The following TBCE variants were observed in gnomAD, a reference collection of about 807,000 sequenced individuals.
The protein encoded by TBCE is tubulin-specific chaperone E.
A neutral mutation model predicts 77.0 loss-of-function variants in TBCE; 53 were observed. That is an observed-to-expected ratio of 0.69 (90% CI 0.55 to 0.87). TBCE has a LOEUF of 0.87. Ranked by LOEUF, TBCE falls within the 40% of genes least tolerant of loss-of-function variation. TBCE has a pLI of 0.00. For missense variants in TBCE, 624 were observed against 622.4 expected (o/e 1.00, Z -0.03); for synonymous variants, 235 against 241.3 (o/e 0.97, Z 0.24).
intron 1 of TBCE, among the ~76,000 whole-genome samples, chr1:235,377,459 G>A (rs1482147909): frequency 6.6e-6 from 1 of 152,082 alleles, no homozygotes; most frequent in Non-Finnish European, 1.5e-5. Context: ...GATTGCAGGC[G>A]TGAGCCACCG....
chr1:235,448,516 G>C, intron 16 of TBCE, 76 bp downstream of exon 16: 1 of 1,473,010 alleles, frequency 6.8e-7, no homozygotes, highest in Non-Finnish European at 9.5e-7. Context: ...TCTCTAGATA[G>C]CAACAGTTTG....
At position 235,436,621 on chromosome 1, in the gene TBCE, C is replaced by A. The variant is rs370586565; in HGVS notation, c.963+13C>A. On this transcript the variant is annotated intron_variant, in intron 11 of 16. Transcript: ENST00000642610. ...TCAGATATCACAAGTAAGAGCTGCT[C>A]GGAGTATGCCCAGCACACTGTTGCC... is the stretch of plus-strand genomic sequence containing the variant. 30 of 1,608,608 alleles carry A rather than the reference C, an allele frequency of 1.9e-5. No homozygotes were observed. The highest frequency in any genetic ancestry group is 1.6e-4 in the Middle Eastern group (1 of 6,072).
At chr1:235,406,056 T>G (rs1055798041) in intron 3 of TBCE, among the ~76,000 whole-genome samples, 1 of 152,240 alleles carries the variant, frequency 6.6e-6, no homozygotes, top group Non-Finnish European at 1.5e-5. Flanking sequence ...ATTTACATAA[T>G]TGAAGTACAT....
chr1:235,405,533 G>A (rs750133175), intron 3 of TBCE, among the ~76,000 whole-genome samples: 1 of 151,826 alleles, frequency 6.6e-6, no homozygotes, highest in Non-Finnish European at 1.5e-5. Flanking sequence ...CTACTGGGAA[G>A]GTTGAGGCAT....
At position 235,440,462 on chromosome 1, in the gene TBCE, G is replaced by A. The variant is rs528782274; in HGVS notation, c.1271-1352G>A. Among the ~76,000 whole-genome samples the A allele has an allele frequency of 2.6e-5, 4 of 151,134 alleles. No individual in the cohort carries two copies. In the East Asian group the frequency reaches 7.9e-4, roughly 30 times the overall value. On this transcript the variant is annotated intron_variant, in intron 13 of 16. Transcript: ENST00000642610. ...GACTGGAGTCCAATGGCGCGATCTC[G>A]GCTCACTGCAACCTCTACCTCCTGG...
intron 15 of TBCE, among the ~76,000 whole-genome samples, chr1:235,447,774 AT>A (rs1469378511): frequency 6.6e-6 from 1 of 152,174 alleles, no homozygotes; most frequent in East Asian, 1.9e-4. Flanking sequence ...TAAGAAAGAA[AT>A]ACACTACTGA....
chr1:235,434,119 T>C, intron 7 of TBCE, 85 bp from the exon 8 acceptor site: 3 of 1,211,510 alleles, frequency 2.5e-6, no homozygotes, highest in South Asian at 1.2e-5. Context: ...GTAACTGAGC[T>C]GAATTCTTGT....
chr1:235,398,907 A>C (rs1461248602), intron 2 of TBCE, among the ~76,000 whole-genome samples: 1 of 151,778 alleles, frequency 6.6e-6, no homozygotes, highest in African/African-American at 2.4e-5. Context: ...GGCCTCCCAA[A>C]GTGCTGGGAT....
At chr1:235,411,165 C>T (rs1338764825) in intron 3 of TBCE, among the ~76,000 whole-genome samples, 1 of 152,212 alleles carries the variant, frequency 6.6e-6, no homozygotes, top group East Asian at 1.9e-4. Context: ...CTTGTTTCTT[C>T]TGAGCAGCAG....
Position 235,419,431 on chromosome 1 carries a change from A to G in TBCE, c.372-42A>G, listed in dbSNP as rs1558376309. On this transcript the variant is annotated intron_variant, in intron 4 of 16. Transcript: ENST00000642610. ...ATTTTTTAAAGGGCCAGTGGATAGC[A>G]TACGTGCTTATGTATCCATGTGAAC... 19 of 1,614,026 alleles carry G rather than the reference A, an allele frequency of 1.2e-5. No individual in the cohort carries two copies. The East Asian group carries it at 1.3e-4, about 11-fold the overall frequency.
intron 1 of TBCE, among the ~76,000 whole-genome samples, chr1:235,374,546 G>A (rs1393516844): frequency 6.9e-6 from 1 of 145,760 alleles, no homozygotes; most frequent in Non-Finnish European, 1.5e-5. Context: ...TGTCGCCCAG[G>A]CTGAAGTGCA....
intron 1 of TBCE, among the ~76,000 whole-genome samples, chr1:235,371,216 C>A (rs894297311): frequency 6.6e-6 from 1 of 151,444 alleles, no homozygotes; most frequent in Non-Finnish European, 1.5e-5. Context: ...GCCACCATAC[C>A]TGACTAATTT....
At chr1:235,372,127 G>A (rs1234278666) in intron 1 of TBCE, among the ~76,000 whole-genome samples, 3 of 152,204 alleles carry the variant, frequency 2.0e-5, no homozygotes, top group East Asian at 3.9e-4. Flanking sequence ...GCCTATAGGC[G>A]TGCACCACCA....
intron 15 of TBCE, among the ~76,000 whole-genome samples, chr1:235,443,662 A>G (rs979085604): frequency 2.7e-4 from 41 of 152,148 alleles, no homozygotes; most frequent in African/African-American, 9.7e-4. Context: ...CTGGTGAACC[A>G]AATTCTTACG....
Position 235,421,802 on chromosome 1 carries a change from C to T in TBCE, c.460+2241C>T, listed in dbSNP as rs532484571. Among the ~76,000 whole-genome samples the T allele has an allele frequency of 3.8e-3, 573 of 152,324 alleles. 4 individuals carry two copies. Among genetic ancestry groups the T allele is most frequent in the African/African-American group, 0.013 (535 of 41,580 alleles). Reference sequence around the variant, plus strand: ...ATTCATTAAGTCTGTCTGATCTGTACATAATAACTTTTGCAAAAAATAGCA... The same window carrying T: ...ATTCATTAAGTCTGTCTGATCTGTATATAATAACTTTTGCAAAAAATAGCA... On this transcript the variant is annotated intron_variant, in intron 5 of 16. Coordinates refer to ENST00000642610, the MANE Select transcript of TBCE (RefSeq NM_003193.5).
intron 1 of TBCE, among the ~76,000 whole-genome samples, chr1:235,370,472 T>C (rs1226822385): frequency 2.0e-5 from 3 of 151,774 alleles, no homozygotes; most frequent in Non-Finnish European, 2.9e-5. Context: ...AGGTTGGTCT[T>C]GAACTGCTGA....
At chr1:235,418,687 T>G (rs940790107) in intron 4 of TBCE, 2 of 153,020 alleles carry the variant, frequency 1.3e-5, no homozygotes, top group Non-Finnish European at 1.5e-5. Flanking sequence ...CTGTAAGGTG[T>G]GAAGATGAAT....
chr1:235,434,060 C>T (rs1681268242), intron 7 of TBCE, 144 bp from the exon 8 acceptor site: 7 of 775,138 alleles, frequency 9.0e-6, no homozygotes, highest in Middle Eastern at 2.3e-4. Context: ...CTATTCCAGG[C>T]CTGAAACAGT....
intron 1 of TBCE, among the ~76,000 whole-genome samples, chr1:235,369,137 T>G (rs1309565944): frequency 6.6e-6 from 1 of 152,102 alleles, no homozygotes; most frequent in Non-Finnish European, 1.5e-5. Context: ...AGTATCTCGG[T>G]TGATCCTTTA....
Sources: allele counts gnomAD v4.1 joint callset (sites outside exome capture counted in the v4.1 genomes callset), GRCh38; gene constraint gnomAD v4.1.1; transcripts MANE v1.5; gene names NCBI Gene and HGNC (gene_info 2026-07-23, HGNC 2026-07-21).